Variants in STAU1 observed in about 807,000 individuals in gnomAD.
STAU1 encodes the protein staufen double-stranded RNA binding protein 1, also known as double-stranded RNA-binding protein Staufen homolog 1.
STAU1 carries 13 observed loss-of-function variants against 62.9 expected under a neutral mutation model. The observed-to-expected ratio is 0.21, with a 90% CI of 0.13 to 0.33. The LOEUF (loss-of-function observed/expected upper bound fraction) is 0.33. Ranked by LOEUF, STAU1 falls within the 10% of genes least tolerant of loss-of-function variation. The pLI is 1.00. For missense variants in STAU1, 571 were observed against 712.1 expected (o/e 0.80, Z 2.25); for synonymous variants, 269 against 265.1 (o/e 1.01, Z -0.14).
the STAU1 span, among the ~76,000 whole-genome samples, chr20:49,205,511 A>C: frequency 6.6e-6 from 1 of 151,490 alleles, no homozygotes; most frequent in Non-Finnish European, 1.5e-5. Context: ...GATTACAGGC[A>C]CGCACCTCCA....
At chr20:49,171,661 A>G (rs1050272002) in intron 2 of STAU1, among the ~76,000 whole-genome samples, 12 of 152,126 alleles carry the variant, frequency 7.9e-5, no homozygotes, top group African/African-American at 1.2e-4. Flanking sequence ...TTCTGAAAGT[A>G]AACTCACTCT....
intron 3 of STAU1, among the ~76,000 whole-genome samples, chr20:49,154,855 C>A (rs965097625): frequency 6.6e-6 from 1 of 151,058 alleles, no homozygotes; most frequent in Non-Finnish European, 1.5e-5. Context: ...AAGGCCGAGG[C>A]GGGTGGATCA....
intron 3 of STAU1, chr20:49,158,447 G>A (rs2093397724): frequency 1.5e-6 from 2 of 1,304,748 alleles, no homozygotes; most frequent in East Asian, 1.1e-4. Context: ...CTTCATAGCT[G>A]ATTTTTCTTG....
the STAU1 span, among the ~76,000 whole-genome samples, chr20:49,201,071 A>AAAAAAAAAAAG: frequency 2.4e-4 from 25 of 104,624 alleles, no homozygotes; most frequent in African/African-American, 6.9e-4. Context: ...AAAAAAAAAA[A>AAAAAAAAAAAG]AAGAAGAAGA....
intron 6 of STAU1, among the ~76,000 whole-genome samples, chr20:49,126,346 G>A (rs907309047): frequency 6.6e-6 from 1 of 151,606 alleles, no homozygotes; most frequent in Admixed American, 6.6e-5. Flanking sequence ...AGGATCACTT[G>A]AGCTCAGAAG....
chr20:49,180,512 T>TG (rs1316595734), intron 1 of STAU1, among the ~76,000 whole-genome samples: 2 of 152,052 alleles, frequency 1.3e-5, no homozygotes, highest in Non-Finnish European at 1.5e-5. Flanking sequence ...TTAGTAGAGA[T>TG]GGGGTTTCAC....
chr20:49,129,630 CTTT>C (rs558925613), intron 6 of STAU1, among the ~76,000 whole-genome samples: 9 of 96,662 alleles, frequency 9.3e-5, no homozygotes, highest in East Asian at 3.0e-4. Context: ...AGTTTGGCAA[CTTT>C]TTTTTTTTTT....
chr20:49,202,923 C>T, the STAU1 span, among the ~76,000 whole-genome samples: 1 of 148,774 alleles, frequency 6.7e-6, no homozygotes, highest in East Asian at 2.0e-4. Flanking sequence ...CTGCCTGTAA[C>T]CCCAGCTACT....
intron 6 of STAU1, among the ~76,000 whole-genome samples, chr20:49,130,206 A>G (rs2092721949): frequency 1.3e-5 from 2 of 152,212 alleles, no homozygotes; most frequent in African/African-American, 4.8e-5. Flanking sequence ...AAGAAGTCAG[A>G]CAAAAGGCAA....
chr20:49,176,624 G>A (rs569248969), intron 1 of STAU1, among the ~76,000 whole-genome samples: 1 of 152,240 alleles, frequency 6.6e-6, no homozygotes, highest in East Asian at 1.9e-4. Flanking sequence ...TATTTTAACA[G>A]CTCAGGTTCT....
At chr20:49,120,589 A>G (rs1183861458) in intron 8 of STAU1, among the ~76,000 whole-genome samples, 3 of 152,200 alleles carry the variant, frequency 2.0e-5, no homozygotes, top group Non-Finnish European at 2.9e-5. Flanking sequence ...TAAGCTGTTT[A>G]TTGTCTAACT....
chr20:49,122,187 G>A (rs759281298), intron 8 of STAU1, among the ~76,000 whole-genome samples: 11 of 152,218 alleles, frequency 7.2e-5, no homozygotes, highest in South Asian at 2.1e-4. Context: ...AGCTGCCTAT[G>A]TGAAATGACC....
intron 6 of STAU1, among the ~76,000 whole-genome samples, chr20:49,126,598 A>ACAAAAAAAAAC (rs1568835870): frequency 2.9e-4 from 40 of 139,770 alleles, no homozygotes; most frequent in African/African-American, 8.9e-4. Context: ...CAAAAAAAAA[A>ACAAAAAAAAAC]CAAAAAAACT....
At chr20:49,187,183 G>T (rs2093798292) in intron 1 of STAU1, among the ~76,000 whole-genome samples, 1 of 152,174 alleles carries the variant, frequency 6.6e-6, no homozygotes. Context: ...AACTTTCCCA[G>T]AAATGGAATG....
At chr20:49,187,917 G>A (rs896874421) in intron 1 of STAU1, among the ~76,000 whole-genome samples, 199 bp downstream of exon 1, 1 of 151,862 alleles carries the variant, frequency 6.6e-6, no homozygotes, top group African/African-American at 2.4e-5. Context: ...CCGGGGCCAG[G>A]CCTCAGGGCG....
At chr20:49,143,661 G>T (rs771362292) in intron 5 of STAU1, among the ~76,000 whole-genome samples, 29 of 152,084 alleles carry the variant, frequency 1.9e-4, no homozygotes, top group Non-Finnish European at 2.8e-4. Context: ...AGTATGCTAG[G>T]AAAATTAGCC....
At chr20:49,207,395 G>A in the STAU1 span, among the ~76,000 whole-genome samples, 4 of 152,178 alleles carry the variant, frequency 2.6e-5, no homozygotes, top group Admixed American at 6.5e-5. Context: ...AGGCTTGGGT[G>A]GAAGAAATAG....
intron 5 of STAU1, among the ~76,000 whole-genome samples, chr20:49,136,964 G>A (rs1387756849): frequency 2.0e-5 from 3 of 152,134 alleles, no homozygotes; most frequent in Non-Finnish European, 4.4e-5. Context: ...CAAAGTGCTG[G>A]GATTAAGGCG....
chr20:49,171,317 C>T (rs1426980926), intron 2 of STAU1, among the ~76,000 whole-genome samples: 2 of 152,196 alleles, frequency 1.3e-5, no homozygotes, highest in African/African-American at 2.4e-5. Context: ...TTTATTGAGA[C>T]GGAGTCTCGC....
Sources: gnomAD v4.1 joint callset for allele counts (sites outside exome capture counted in the v4.1 genomes callset) on GRCh38, gnomAD v4.1.1 for gene constraint, MANE v1.5 for transcripts, NCBI Gene and HGNC (gene_info 2026-07-23, HGNC 2026-07-21) for gene names.